The following STK3 variants were observed in gnomAD, a reference collection of about 807,000 sequenced individuals.
STK3 encodes the protein serine/threonine kinase 3, also known as serine/threonine-protein kinase 3.
In STK3, 41 loss-of-function variants were observed where a neutral mutation model predicts 58.0. That is an observed-to-expected ratio of 0.71 (90% CI 0.55 to 0.92). The LOEUF is 0.92. Among genes scored for constraint, STK3 ranks in the 40% least tolerant of loss-of-function variants. The pLI, the probability that STK3 is intolerant of heterozygous loss-of-function variation, is 0.00. For synonymous variants in STK3, 170 were observed against 191.0 expected (o/e 0.89, Z 0.91); for missense variants, 479 against 602.7 (o/e 0.79, Z 2.15).
chr8:98,693,195 G>C (rs1212846964), intron 6 of STK3, among the ~76,000 whole-genome samples: 1 of 152,050 alleles, frequency 6.6e-6, no homozygotes. Flanking sequence ...TCAGGAGTTC[G>C]AGACCAGACT....
intron 9 of STK3, among the ~76,000 whole-genome samples, chr8:98,535,730 T>C (rs1187749128): frequency 6.6e-6 from 1 of 152,184 alleles, no homozygotes; most frequent in East Asian, 1.9e-4. Flanking sequence ...TATTCTAATA[T>C]GACCTACATA....
intron 4 of STK3, among the ~76,000 whole-genome samples, chr8:98,715,681 A>G (rs372306068): frequency 2.0e-5 from 3 of 152,184 alleles, no homozygotes; most frequent in Admixed American, 6.6e-5. Flanking sequence ...TACACTGTTG[A>G]TGGGACTGTA....
intron 6 of STK3, among the ~76,000 whole-genome samples, chr8:98,657,472 A>T (rs1821639195): frequency 6.6e-6 from 1 of 152,112 alleles, no homozygotes; most frequent in Admixed American, 6.6e-5. Flanking sequence ...GGCAGGAGAG[A>T]GACCCATAGG....
At chr8:98,360,629 G>A in the STK3 span, among the ~76,000 whole-genome samples, 5 of 151,786 alleles carry the variant, frequency 3.3e-5, no homozygotes, top group South Asian at 4.2e-4. Context: ...ACATTTGGCC[G>A]TTGTTTGTAC....
At chr8:98,556,305 G>A (rs1028414209) in intron 8 of STK3, among the ~76,000 whole-genome samples, 1 of 152,014 alleles carries the variant, frequency 6.6e-6, no homozygotes, top group Non-Finnish European at 1.5e-5. Context: ...TTACAGGGAC[G>A]CATACTGAAC....
At chr8:98,628,319 A>G (rs777443921) in intron 6 of STK3, among the ~76,000 whole-genome samples, 13 of 152,144 alleles carry the variant, frequency 8.5e-5, no homozygotes, top group Non-Finnish European at 1.9e-4. Flanking sequence ...TGGCTACACA[A>G]TGTTACTAGA....
chr8:98,812,619 A>C (rs921389859), intron 1 of STK3, among the ~76,000 whole-genome samples: 6 of 152,250 alleles, frequency 3.9e-5, no homozygotes, highest in African/African-American at 1.4e-4. Context: ...CACAATAGCG[A>C]AGACTTGGAA....
At chr8:98,629,799 T>C (rs1819042277) in intron 6 of STK3, among the ~76,000 whole-genome samples, 2 of 152,170 alleles carry the variant, frequency 1.3e-5, no homozygotes, top group African/African-American at 4.8e-5. Context: ...AGCTACTTCT[T>C]AGACAGCAAA....
At chr8:98,553,665 C>A (rs886120775) in intron 8 of STK3, among the ~76,000 whole-genome samples, 1 of 152,030 alleles carries the variant, frequency 6.6e-6, no homozygotes, top group African/African-American at 2.4e-5. Flanking sequence ...ATGCTAAGGT[C>A]TTTTTAATTC....
chr8:98,805,812 C>T (rs960859511), intron 1 of STK3, among the ~76,000 whole-genome samples: 7 of 152,094 alleles, frequency 4.6e-5, no homozygotes, highest in Non-Finnish European at 8.8e-5. Context: ...CTCTATATCA[C>T]CATTTTCTCT....
chr8:98,627,152 G>A (rs12679268), intron 6 of STK3, among the ~76,000 whole-genome samples: 37,512 of 151,990 alleles, frequency 0.25, 5,187 homozygotes, highest in East Asian at 0.41. Flanking sequence ...GCCAAGCCCA[G>A]CAGATCACTT....
Position 98,864,295 on chromosome 8 carries a change from G to A in STK3, c.110+19352C>T, listed in dbSNP as rs370683537. ...CCTTCCTACTGTCTAAAACATGGGA[G>A]TGATGGCTGAAGTTTCAGCAATCAA... On this transcript the variant is annotated intron_variant, in intron 3 of 12. Transcript: ENST00000523601. 6.6e-5 allele frequency among the ~76,000 whole-genome samples: 10 copies of A among 150,920 alleles called. No homozygotes were observed. In the South Asian group the frequency reaches 2.1e-3, roughly 32 times the overall value.
intron 6 of STK3, among the ~76,000 whole-genome samples, chr8:98,685,855 A>C (rs570324711): frequency 6.6e-6 from 1 of 152,248 alleles, no homozygotes; most frequent in Non-Finnish European, 1.5e-5. Context: ...ATGAAAAGAC[A>C]ACAGTAGGAA....
intron 10 of STK3, among the ~76,000 whole-genome samples, chr8:98,503,268 T>A (rs1400767468): frequency 2.6e-5 from 4 of 152,208 alleles, no homozygotes; most frequent in Admixed American, 2.6e-4. Flanking sequence ...TTTATCATTT[T>A]TTTACTGAGT....
At chr8:98,513,398 G>A (rs376352662) in intron 10 of STK3, among the ~76,000 whole-genome samples, 3 of 152,264 alleles carry the variant, frequency 2.0e-5, no homozygotes, top group East Asian at 3.9e-4. Context: ...TCAAAGACAC[G>A]TTGTGGTTTC....
chr8:98,918,758 G>A (rs190573844), intron 1 of STK3, among the ~76,000 whole-genome samples: 248 of 152,102 alleles, frequency 1.6e-3, no homozygotes, highest in Admixed American at 3.6e-3. Flanking sequence ...GACAGAGTGA[G>A]ACCCTGTCTC....
chr8:98,884,758 C>T (rs1352813590), intron 1 of STK3, among the ~76,000 whole-genome samples: 1 of 152,152 alleles, frequency 6.6e-6, no homozygotes. Flanking sequence ...ATTTGTCTCC[C>T]CCATTAGAAT....
chr8:98,914,744 G>A (rs760978398), intron 1 of STK3, among the ~76,000 whole-genome samples: 6 of 152,284 alleles, frequency 3.9e-5, no homozygotes, highest in Non-Finnish European at 1.5e-5. Flanking sequence ...AGAGCTAAAC[G>A]TGCTGATATG....
chr8:98,825,598 G>C lies in STK3; in HGVS notation c.-58C>G. On this transcript the variant is annotated 5_prime_UTR_variant, in exon 1 of 11. Coordinates refer to ENST00000419617, the MANE Select transcript of STK3 (RefSeq NM_006281.4). The stretch of plus-strand genomic sequence containing the variant: ...ACGGCGAAGGCCGAAAGGAGGAAAG[G>C]AGCCGGGGCACCGGCCGGCCGAGCC... 7.2e-7 allele frequency: 1 copy of C among 1,384,114 alleles called. No homozygotes were observed. Among genetic ancestry groups the C allele is most frequent in the Non-Finnish European group, 9.4e-7 (1 of 1,062,260 alleles). 85.7% of individuals were successfully genotyped at this position (1,384,114 alleles called of 1,614,324 possible).
Sources: gnomAD v4.1 joint callset for allele counts (sites outside exome capture counted in the v4.1 genomes callset) on GRCh38, gnomAD v4.1.1 for gene constraint, MANE v1.5 for transcripts, NCBI Gene and HGNC (gene_info 2026-07-23, HGNC 2026-07-21) for gene names.